Variants in NME8 observed in about 807,000 individuals in gnomAD.
NME8 encodes the protein NME/NM23 family member 8.
Under a neutral mutation model 82.3 loss-of-function variants are expected in NME8, and 72 were observed. That is an observed-to-expected ratio of 0.87 (90% CI 0.72 to 1.06). NME8 has a LOEUF of 1.06. Among genes scored for constraint, NME8 ranks in the 50% least tolerant of loss-of-function variants. NME8 has a pLI of 0.00. For synonymous variants in NME8, 267 were observed against 228.5 expected (o/e 1.17, Z -1.52); for missense variants, 712 against 685.4 (o/e 1.04, Z -0.43).
intron 5 of NME8, among the ~76,000 whole-genome samples, chr7:37,851,317 C>T (rs191425769): frequency 5.7e-4 from 87 of 152,284 alleles, no homozygotes; most frequent in Non-Finnish European, 8.8e-4. Flanking sequence ...GCTGGTCCAA[C>T]TGAGGAGCTC....
intron 12 of NME8, among the ~76,000 whole-genome samples, chr7:37,882,607 GAGAGAGAGAAAGAA>G (rs879615317): frequency 0.23 from 17,678 of 75,822 alleles, 1,555 homozygotes; most frequent in Middle Eastern, 0.38. Flanking sequence ...AAGAGAGAGA[GAGAGAGAGAAAGAA>G]AGAAAGAAAG....
chr7:37,849,794 C>T, intron 2 of NME8, among the ~76,000 whole-genome samples: 1 of 150,204 alleles, frequency 6.7e-6, no homozygotes, highest in Non-Finnish European at 1.5e-5. Context: ...TCGCTTGAAC[C>T]CAGGAGACGG....
At position 37,858,097 on chromosome 7, in the gene NME8, T is replaced by A. The variant is rs564257181; in HGVS notation, c.270+752T>A. Among the ~76,000 whole-genome samples the A allele has an allele frequency of 1.8e-4, 27 of 152,196 alleles. No homozygotes were observed. The South Asian group carries it at 5.4e-3, about 30-fold the overall frequency. On this transcript the variant is annotated intron_variant, in intron 6 of 17. Coordinates refer to ENST00000199447, the MANE Select transcript of NME8 (RefSeq NM_016616.5). ...AAATGAATAATTAGAAAGACATAAA[T>A]AGTGCTATTTTCTAAAAGCAGAGTG...
At chr7:37,867,293 CTTTT>C in intron 10 of NME8, among the ~76,000 whole-genome samples, 1 of 143,454 alleles carries the variant, frequency 7.0e-6, no homozygotes, top group East Asian at 2.0e-4. Flanking sequence ...AGGTATGTAG[CTTTT>C]TTTTTTTTAA....
chr7:37,886,846 G>C lies in NME8; in HGVS notation c.1248-1431G>C, dbSNP rs906427855. Among the ~76,000 whole-genome samples the C allele has an allele frequency of 5.3e-5, 8 of 149,596 alleles. No homozygotes were observed. The East Asian group carries it at 1.4e-3, about 26-fold the overall frequency. On this transcript the variant is annotated intron_variant, in intron 14 of 17. Transcript: ENST00000199447. ...GGAACAGCCAAGGGCAGAATGGAAA[G>C]GTCAAGGTGATAAGGCAAAAAAAAA...
At position 37,888,258 on chromosome 7, in the gene NME8, C is replaced by A; in HGVS notation, c.1248-19C>A. On this transcript the variant is annotated intron_variant, in intron 14 of 17. Coordinates refer to ENST00000199447, the MANE Select transcript of NME8 (RefSeq NM_016616.5). The stretch of plus-strand genomic sequence containing the variant: ...CTGTTCTGTTCTAATAGCTTTTAAA[C>A]CTGACTTCTTTTTCAAAGTTTATGT... The A allele has an allele frequency of 6.2e-7, 1 of 1,612,700 alleles. No individual in the cohort carries two copies. Among genetic ancestry groups the A allele is most frequent in the Non-Finnish European group, 8.5e-7 (1 of 1,178,972 alleles).
At chr7:37,857,815 T>C (rs902439181) in intron 6 of NME8, among the ~76,000 whole-genome samples, 1 of 152,224 alleles carries the variant, frequency 6.6e-6, no homozygotes, top group Non-Finnish European at 1.5e-5. Flanking sequence ...CAGTTTTCTA[T>C]GTGTGAGGAA....
chr7:37,898,667 A>G (rs1412686526), intron 17 of NME8, among the ~76,000 whole-genome samples: 1 of 152,190 alleles, frequency 6.6e-6, no homozygotes. Context: ...TAGAACAAGC[A>G]ATTATAGAGA....
rs1159620142 is a variant in NME8, at chr7:37,850,691, T to C, written c.154T>C (p.Leu52=). The C allele has an allele frequency of 3.1e-6, 5 of 1,613,908 alleles. No individual in the cohort carries two copies. The highest frequency in any genetic ancestry group is 4.2e-6 in the Non-Finnish European group (5 of 1,179,808). ...CRAMQPLFRK[L]KNELNEDEIL... is the part of the protein sequence containing the mutation. ...AGCAATGCAACCTTTATTCAGAAAA[T>C]TGAAAAATGAACTGAACGAAGACGA... Residue 52 remains leucine, a synonymous_variant, in exon 5 of 18, where the codon TTG becomes CTG. Transcript: ENST00000199447.
At chr7:37,890,074 G>T (rs1353346594) in intron 15 of NME8, among the ~76,000 whole-genome samples, 2 of 151,994 alleles carry the variant, frequency 1.3e-5, no homozygotes, top group African/African-American at 4.8e-5. Context: ...CTTGGGGCCT[G>T]AATTCTGTAT....
intron 16 of NME8, among the ~76,000 whole-genome samples, chr7:37,896,068 G>T (rs61640863): frequency 6.6e-6 from 1 of 151,990 alleles, no homozygotes; most frequent in East Asian, 1.9e-4. Flanking sequence ...TATAAAATAC[G>T]TATAAGAAAC....
intron 15 of NME8, among the ~76,000 whole-genome samples, chr7:37,891,821 G>A (rs1292180190): frequency 6.6e-6 from 1 of 151,954 alleles, no homozygotes; most frequent in African/African-American, 2.4e-5. Flanking sequence ...AGGCTTGAAA[G>A]TTCACTCTTC....
At position 37,865,505 on chromosome 7, in the gene NME8, AC is replaced by A; in HGVS notation, c.529-18del. 1 of 1,551,316 alleles carries A rather than the reference AC, an allele frequency of 6.4e-7. No individual in the cohort carries two copies. Among genetic ancestry groups the A allele is most frequent in the Non-Finnish European group, 8.9e-7 (1 of 1,122,880 alleles). On this transcript the variant is annotated intron_variant, in intron 9 of 17. Coordinates refer to ENST00000199447, the MANE Select transcript of NME8 (RefSeq NM_016616.5). ...TGTGATCCCACGACACCTGGATTTGACCTTACTCTCTAATTGAAGATTACCA... is the reference window on the plus strand; with the variant it reads ...TGTGATCCCACGACACCTGGATTTGACTTACTCTCTAATTGAAGATTACCA...
At position 37,850,280 on chromosome 7, in the gene NME8, A is replaced by T; in HGVS notation, c.14A>T (p.Lys5Ile). Reference sequence around the variant, plus strand: ...GATAGTAGATAAATGGCAAGCAAAAAACGAGAAGTCCAGTTACAGGTGGGT... The same window carrying T: ...GATAGTAGATAAATGGCAAGCAAAATACGAGAAGTCCAGTTACAGGTGGGT... The part of the protein sequence containing the change: MASK[K>I]REVQLQTVIN... The change falls in exon 3 of 18, where the codon AAA (lysine) becomes ATA (isoleucine). Residue 5 changes from lysine (K) to isoleucine (I), a missense_variant. Coordinates refer to ENST00000199447, the MANE Select transcript of NME8 (RefSeq NM_016616.5). 1 of 1,614,184 alleles carries T rather than the reference A, an allele frequency of 6.2e-7. No homozygotes were observed. Among genetic ancestry groups the T allele is most frequent in the Non-Finnish European group, 8.5e-7 (1 of 1,179,986 alleles).
At chr7:37,898,989 C>G (rs1785273232) in intron 17 of NME8, among the ~76,000 whole-genome samples, 1 of 152,066 alleles carries the variant, frequency 6.6e-6, no homozygotes, top group Non-Finnish European at 1.5e-5. Flanking sequence ...AAACCCATTC[C>G]AAAATGATAC....
chr7:37,870,126 G>T (rs1467796663), intron 11 of NME8, among the ~76,000 whole-genome samples: 1 of 151,780 alleles, frequency 6.6e-6, no homozygotes, highest in Non-Finnish European at 1.5e-5. Flanking sequence ...TACCTGTTTT[G>T]CCAGATGGTC....
chr7:37,896,897 C>A lies in NME8; in HGVS notation c.1572C>A (p.Thr524=). The A allele has an allele frequency of 6.2e-7, 1 of 1,613,694 alleles. No individual in the cohort carries two copies. The highest frequency in any genetic ancestry group is 1.1e-5 in the South Asian group (1 of 91,064). The change falls in exon 17 of 18, where the codon ACC becomes ACA. Residue 524 remains threonine, a synonymous_variant. Coordinates refer to ENST00000199447, the MANE Select transcript of NME8 (RefSeq NM_016616.5). ...SVGPSMVMIL[T]KWNAVAEWRR... ...GTCCATCTATGGTCATGATTCTGACCAAGTGGAATGCTGTTGCAGAATGGA... is the reference window on the plus strand; with the variant it reads ...GTCCATCTATGGTCATGATTCTGACAAAGTGGAATGCTGTTGCAGAATGGA...
rs144644243 is a variant in NME8 at position 37,873,848 on chromosome 7, A to G, written c.819-2984A>G. On this transcript the variant is annotated intron_variant, in intron 11 of 17. Coordinates refer to ENST00000199447, the MANE Select transcript of NME8 (RefSeq NM_016616.5). ...TGGTACATGGCGCTGATAAAAAGCA[A>G]CCAGACTTTTAATTGGTTTTATTAC... 3.5e-3 allele frequency among the ~76,000 whole-genome samples: 539 copies of G among 152,336 alleles called. 4 individuals are homozygous for G. Among genetic ancestry groups the G allele is most frequent in the African/African-American group, 0.012 (515 of 41,582 alleles).
intron 12 of NME8, among the ~76,000 whole-genome samples, chr7:37,880,828 TTTC>T (rs1186382611): frequency 1.3e-5 from 2 of 152,164 alleles, no homozygotes; most frequent in Non-Finnish European, 2.9e-5. Context: ...GTTTTGTAGT[TTTC>T]TTCATTTAGA....
Sources: allele counts gnomAD v4.1 joint callset (sites outside exome capture counted in the v4.1 genomes callset), GRCh38; gene constraint gnomAD v4.1.1; transcripts MANE v1.5; gene names NCBI Gene and HGNC (gene_info 2026-07-23, HGNC 2026-07-21).